Variants in DST observed in about 807,000 individuals in gnomAD.
DST encodes bullous pemphigoid antigen.
DST carries 253 observed loss-of-function variants against 875.2 expected under a neutral mutation model. The observed-to-expected ratio is 0.29, with a 90% CI of 0.26 to 0.32. The LOEUF is 0.32. Ranked by LOEUF, DST falls within the 10% of genes least tolerant of loss-of-function variation. The pLI is 1.00. For missense variants in DST, 8,287 were observed against 9,111.6 expected (o/e 0.91, Z 3.68); for synonymous variants, 3,124 against 3,197.1 (o/e 0.98, Z 0.77).
intron 3 of DST, among the ~76,000 whole-genome samples, chr6:56,873,325 G>A (rs1289020081): frequency 6.6e-6 from 1 of 152,058 alleles, no homozygotes; most frequent in Non-Finnish European, 1.5e-5. Context: ...TGTTTCCTCT[G>A]AAGCTTTTTA....
chr6:56,534,248 G>A (rs1204053650), intron 63 of DST, among the ~76,000 whole-genome samples: 2 of 152,058 alleles, frequency 1.3e-5, no homozygotes, highest in African/African-American at 4.8e-5. Context: ...TTAAAATAAC[G>A]TAATTAACAT....
intron 2 of DST, among the ~76,000 whole-genome samples, chr6:56,913,271 T>C (rs1233642352): frequency 6.6e-6 from 1 of 152,246 alleles, no homozygotes; most frequent in Non-Finnish European, 1.5e-5. Flanking sequence ...CTATTTCTTG[T>C]AATATTCCTA....
intron 9 of DST, chr6:56,692,745 T>C (rs974390849): frequency 7.8e-7 from 1 of 1,289,790 alleles, no homozygotes; most frequent in Non-Finnish European, 1.0e-6. Flanking sequence ...CACTAACTTT[T>C]ACTTCTGTTT....
intron 69 of DST, among the ~76,000 whole-genome samples, chr6:56,524,619 C>T (rs2096765029): frequency 6.6e-6 from 1 of 151,944 alleles, no homozygotes; most frequent in African/African-American, 2.4e-5. Flanking sequence ...TCTATGTAGC[C>T]TTATTGGAGG....
chr6:56,684,837 G>A (rs1359107711), intron 9 of DST, among the ~76,000 whole-genome samples: 3 of 152,184 alleles, frequency 2.0e-5, no homozygotes, highest in East Asian at 1.9e-4. Flanking sequence ...GGAGCTTCTC[G>A]GCTTCTATAC....
chr6:56,710,615 T>TA (rs2099359517), intron 5 of DST, among the ~76,000 whole-genome samples: 1 of 152,170 alleles, frequency 6.6e-6, no homozygotes, highest in African/African-American at 2.4e-5. Context: ...TAAATATCAA[T>TA]ATATTAACAT....
intron 10 of DST, among the ~76,000 whole-genome samples, chr6:56,662,620 G>A (rs2099050169): frequency 6.6e-6 from 1 of 152,092 alleles, no homozygotes; most frequent in South Asian, 2.1e-4. Context: ...AGGAGAATGT[G>A]GGCTATACCT....
Position 56,606,559 on chromosome 6 carries a change from T to G in DST, c.8069A>C (p.Asp2690Ala). 1 of 1,613,564 alleles carries G rather than the reference T, an allele frequency of 6.2e-7. No homozygotes were observed. Among genetic ancestry groups the G allele is most frequent in the Non-Finnish European group, 8.5e-7 (1 of 1,179,606 alleles). The change falls in exon 40 of 104, where the codon GAT becomes GCT. Residue 2690 changes from aspartate to alanine, a missense_variant. Transcript: ENST00000680361. Reference sequence around the variant, plus strand: ...ATCTTTCTCAACATCCATAAGGAAATCCTGAAGACAATGTGCTTTGTTCTT... The same window carrying G: ...ATCTTTCTCAACATCCATAAGGAAAGCCTGAAGACAATGTGCTTTGTTCTT... ...SVKNKAHCLQDFLMDVEKDEL... is the reference protein window; with the variant it reads ...SVKNKAHCLQAFLMDVEKDEL...
intron 2 of DST, among the ~76,000 whole-genome samples, chr6:56,947,926 T>TATAC (rs1461193446): frequency 1.3e-5 from 2 of 152,390 alleles, no homozygotes; most frequent in African/African-American, 4.8e-5. Context: ...TACTAAACCC[T>TATAC]ATACATACTA....
At chr6:56,474,910 G>T (rs894001777) in intron 92 of DST, among the ~76,000 whole-genome samples, 2 of 131,738 alleles carry the variant, frequency 1.5e-5, no homozygotes, top group African/African-American at 5.8e-5. Flanking sequence ...AGTGAGCCAC[G>T]ACTGTGCCAT....
At chr6:56,611,752 A>C (rs1206067264) in intron 37 of DST, among the ~76,000 whole-genome samples, 156 bp from the exon 38 acceptor site, 3 of 152,210 alleles carry the variant, frequency 2.0e-5, no homozygotes, top group Non-Finnish European at 4.4e-5. Flanking sequence ...CAGTCTATAG[A>C]GCTAGATAAG....
chr6:56,635,527 T>C lies in DST; in HGVS notation c.3186+62A>G, dbSNP rs541078862. 6.5e-5 allele frequency: 101 copies of C among 1,543,584 alleles called. No individual in the cohort carries two copies. The African/African-American group carries it at 1.1e-3, about 16-fold the overall frequency. On this transcript the variant is annotated intron_variant, in intron 24 of 103. Coordinates refer to ENST00000680361, the MANE Select transcript of DST (RefSeq NM_001374736.1). The stretch of plus-strand genomic sequence containing the variant: ...CCAATAAAATACAAAGTTCTGCTCA[T>C]ATAAAACACTAATCTAATCACTTAT...
intron 9 of DST, among the ~76,000 whole-genome samples, chr6:56,678,914 T>A (rs904452113): frequency 3.3e-5 from 5 of 152,190 alleles, no homozygotes; most frequent in African/African-American, 1.2e-4. Context: ...TCTCTTGTCA[T>A]TTCTCTAAAA....
rs6459170 is a variant in DST at position 56,696,458 on chromosome 6, G to A, written c.1047+3195C>T. Among the ~76,000 whole-genome samples, 1,458 of 152,224 alleles carry A rather than the reference G, an allele frequency of 9.6e-3. 23 individuals carry two copies. The highest frequency in any genetic ancestry group is 0.033 in the African/African-American group (1,381 of 41,540). ...ATTACAGGTGTGAGCCACCGTGCACGGCCCGCAAAACTTCTTTTGATACTT... is the reference window on the plus strand; with the variant it reads ...ATTACAGGTGTGAGCCACCGTGCACAGCCCGCAAAACTTCTTTTGATACTT... On this transcript the variant is annotated intron_variant, in intron 9 of 103. Transcript: ENST00000680361.
intron 5 of DST, among the ~76,000 whole-genome samples, chr6:56,719,666 G>A (rs369555084): frequency 1.1e-4 from 16 of 152,308 alleles, no homozygotes; most frequent in African/African-American, 2.6e-4. Flanking sequence ...GACATTTCAC[G>A]TAGGTTCTTT....
Position 56,935,451 on chromosome 6 carries a change from A to C in DST, c.216+18334T>G, listed in dbSNP as rs1399864791. Among the ~76,000 whole-genome samples the C allele has an allele frequency of 2.6e-5, 4 of 152,238 alleles. No homozygotes were observed. In the East Asian group the frequency reaches 7.7e-4, roughly 29 times the overall value. On this transcript the variant is annotated intron_variant, in intron 2 of 103. Transcript: ENST00000680361. ...AATGATTCTTCAAAGTTGGTCAGTT[A>C]GTTATTTAAAACTTGTTAATGGTCT...
At position 56,526,286 on chromosome 6, in the gene DST, A is replaced by G. The variant is rs896277430; in HGVS notation, c.18129+75T>C. The G allele has an allele frequency of 8.4e-6, 12 of 1,427,458 alleles. No individual in the cohort carries two copies. In the African/African-American group the frequency reaches 1.7e-4, roughly 20 times the overall value. 88.4% of individuals were successfully genotyped at this position (1,427,458 alleles called of 1,614,324 possible). A position where few individuals can be genotyped will look rare whatever the true frequency, so the allele number is the denominator to read the frequency against. On this transcript the variant is annotated intron_variant, in intron 69 of 103. Coordinates refer to ENST00000680361, the MANE Select transcript of DST (RefSeq NM_001374736.1). ...ATGAATGGAAACAGTATTAACAGTC[A>G]TCTTTGTTCAGGTAAAAGCTCCAAG...
At chr6:56,935,408 A>T (rs1044999401) in intron 2 of DST, among the ~76,000 whole-genome samples, 4 of 152,228 alleles carry the variant, frequency 2.6e-5, no homozygotes, top group Non-Finnish European at 5.9e-5. Flanking sequence ...GCAGGAATAT[A>T]CTATTTAATG....
chr6:56,782,593 A>G (rs1035615115), intron 4 of DST, among the ~76,000 whole-genome samples: 9 of 151,616 alleles, frequency 5.9e-5, no homozygotes, highest in South Asian at 2.1e-4. Context: ...TTTTTATTGC[A>G]TCTATTTGAT....
Sources: allele counts gnomAD v4.1 joint callset (sites outside exome capture counted in the v4.1 genomes callset), GRCh38; gene constraint gnomAD v4.1.1; transcripts MANE v1.5; gene names NCBI Gene and HGNC (gene_info 2026-07-23, HGNC 2026-07-21).